The following WDR48 variants were observed in gnomAD, a reference collection of about 807,000 sequenced individuals.
The protein encoded by WDR48 is WD repeat-containing protein 48.
WDR48 carries 22 observed loss-of-function variants against 94.0 expected under a neutral mutation model. That is an observed-to-expected ratio of 0.23 (90% CI 0.17 to 0.33). The LOEUF (loss-of-function observed/expected upper bound fraction) is 0.33. Ranked by LOEUF, WDR48 falls within the 10% of genes least tolerant of loss-of-function variation. WDR48 has a pLI of 1.00. For missense variants in WDR48, 541 were observed against 813.8 expected (o/e 0.66, Z 4.08); for synonymous variants, 278 against 280.5 (o/e 0.99, Z 0.09).
intron 7 of WDR48, 122 bp from the exon 8 acceptor site, chr3:39,074,604 G>A: frequency 1.0e-6 from 1 of 972,748 alleles, no homozygotes; most frequent in Non-Finnish European, 1.5e-6. Flanking sequence ...TTTATCAGAG[G>A]CAGAAACACA....
chr3:39,056,724 G>T (rs549785892), intron 1 of WDR48, among the ~76,000 whole-genome samples: 1 of 152,310 alleles, frequency 6.6e-6, no homozygotes, highest in East Asian at 1.9e-4. Context: ...ACCTTTTCAG[G>T]CATGCAAGGA....
intron 1 of WDR48, 101 bp downstream of exon 1, chr3:39,052,174 ATGGGGCG>A: frequency 6.8e-7 from 1 of 1,474,876 alleles, no homozygotes; most frequent in Non-Finnish European, 9.3e-7. Context: ...GGGTAGCGGC[ATGGGGCG>A]AACGGGGCGG....
chr3:39,088,089 A>G, intron 14 of WDR48, 39 bp from the exon 15 acceptor site: 1 of 1,590,496 alleles, frequency 6.3e-7, no homozygotes, highest in Non-Finnish European at 8.6e-7. Flanking sequence ...TATTTTTAGC[A>G]CTAACTCTGA....
At chr3:39,078,899 G>A (rs891556512) in intron 10 of WDR48, among the ~76,000 whole-genome samples, 27 of 151,276 alleles carry the variant, frequency 1.8e-4, no homozygotes, top group Non-Finnish European at 2.5e-4. Flanking sequence ...GCGTAGTGGC[G>A]GGCACCTGTA....
chr3:39,088,262 C>A, intron 15 of WDR48, 29 bp downstream of exon 15: 1 of 1,602,032 alleles, frequency 6.2e-7, no homozygotes, highest in Non-Finnish European at 8.5e-7. Context: ...AGAGGTTCTG[C>A]CTGAGAAGGT....
intron 7 of WDR48, among the ~76,000 whole-genome samples, chr3:39,070,570 C>T (rs1195345249): frequency 1.3e-5 from 2 of 152,098 alleles, no homozygotes; most frequent in African/African-American, 4.8e-5. Context: ...GAGAAGCCGT[C>T]GCCTCCAGAA....
rs1217457504 is a variant in WDR48 at position 39,069,670 on chromosome 3, T to C, written c.598T>C (p.Cys200Arg). Residue 200 changes from cysteine (C) to arginine (R), a missense_variant, in exon 7 of 19, where the codon TGT becomes CGT. Physicochemically the swap from Cys to Arg is radical, Grantham distance 180 (BLOSUM62 -3). This residue lies in a region of WDR48 where 104 missense variants were observed against 189.7 expected (regional missense o/e 0.55). Transcript: ENST00000302313. ...KVLRVWDPRT[C>R]AKLMKLKGHT... ...GTTACGGGTATGGGATCCAAGAACA[T>C]GTGCAAAACTAATGAAGCTTAAAGG... The C allele has an allele frequency of 1.2e-6, 2 of 1,613,564 alleles. No homozygotes were observed. Among genetic ancestry groups the C allele is most frequent in the Non-Finnish European group, 1.7e-6 (2 of 1,179,722 alleles).
rs2035290363 is a variant in WDR48, at chr3:39,095,376, G to A, written c.*633G>A. On this transcript the variant is annotated 3_prime_UTR_variant, in exon 19 of 19. Transcript: ENST00000302313. The stretch of plus-strand genomic sequence containing the variant: ...GTAGGAAGATCTGTTGAAATTCCAG[G>A]TGCTGGATCATAGCACTTGGACTGT... 6.5e-6 allele frequency: 1 copy of A among 152,776 alleles called. No homozygotes were observed. Among genetic ancestry groups the A allele is most frequent in the African/African-American group, 2.4e-5 (1 of 41,440 alleles). The allele number at this position is 152,776 out of a possible 1,614,324, so 9.5% of individuals were successfully genotyped here.
chr3:39,088,369 C>T, intron 15 of WDR48, 136 bp downstream of exon 15: 1 of 794,896 alleles, frequency 1.3e-6, no homozygotes, highest in Non-Finnish European at 2.0e-6. Context: ...TGGAAGCATC[C>T]CATGTCCATG....
chr3:39,064,370 C>G (rs112664882), intron 2 of WDR48, among the ~76,000 whole-genome samples: 4,355 of 151,550 alleles, frequency 0.029, 211 homozygotes, highest in African/African-American at 0.1. Flanking sequence ...TGACTCCTGG[C>G]TTCAATCAAT....
chr3:39,074,151 A>G (rs908532780), intron 7 of WDR48, among the ~76,000 whole-genome samples: 2 of 152,154 alleles, frequency 1.3e-5, no homozygotes, highest in African/African-American at 4.8e-5. Context: ...CTTCATTTCC[A>G]CTGCTTTCAA....
intron 7 of WDR48, among the ~76,000 whole-genome samples, 161 bp downstream of exon 7, chr3:39,069,905 A>G (rs1456964418): frequency 6.6e-6 from 1 of 152,272 alleles, no homozygotes; most frequent in Non-Finnish European, 1.5e-5. Context: ...GCTACATTTA[A>G]AAACTATTCT....
intron 2 of WDR48, 122 bp downstream of exon 2, chr3:39,063,312 C>A (rs1293886484): frequency 8.0e-7 from 1 of 1,245,776 alleles, no homozygotes; most frequent in Non-Finnish European, 1.1e-6. Flanking sequence ...TTGGTACACT[C>A]TATAAAGACA....
chr3:39,084,385 C>A, intron 12 of WDR48, 123 bp downstream of exon 12: 3 of 660,608 alleles, frequency 4.5e-6, no homozygotes, highest in South Asian at 5.4e-5. Flanking sequence ...TGTGTTAAAA[C>A]TTAAAATGCA....
intron 1 of WDR48, among the ~76,000 whole-genome samples, chr3:39,060,707 A>G (rs1194118004): frequency 2.0e-5 from 3 of 152,222 alleles, no homozygotes; most frequent in Non-Finnish European, 2.9e-5. Flanking sequence ...GGCCAGGTGC[A>G]GTGGCTCACG....
chr3:39,093,014 CTG>C (rs1229127481), intron 17 of WDR48, among the ~76,000 whole-genome samples: 3 of 152,136 alleles, frequency 2.0e-5, no homozygotes, highest in African/African-American at 7.2e-5. Flanking sequence ...TAGTTATTGA[CTG>C]TTATCAGAGA....
chr3:39,096,438 G>A lies in WDR48; in HGVS notation c.*1695G>A, dbSNP rs1368857246. ...GCCCTCAGTTGTGTTTGCCCGAGGG[G>A]CCTTTGAGCAAAGAAATGGGTTTTG... On this transcript the variant is annotated 3_prime_UTR_variant, in exon 19 of 19. Coordinates refer to ENST00000302313, the MANE Select transcript of WDR48 (RefSeq NM_020839.4). The A allele has an allele frequency of 1.3e-5, 2 of 152,106 alleles. No individual in the cohort carries two copies. The highest frequency in any genetic ancestry group is 1.3e-4 in the Admixed American group (2 of 15,266). The allele number at this position is 152,106 out of a possible 1,614,324, so 9.4% of individuals were successfully genotyped here.
intron 1 of WDR48, among the ~76,000 whole-genome samples, chr3:39,054,908 G>C (rs892526916): frequency 6.6e-6 from 1 of 152,222 alleles, no homozygotes; most frequent in African/African-American, 2.4e-5. Flanking sequence ...AAGGGTAATA[G>C]CAGTGATTAT....
In WDR48 at chr3:39,095,661, T is replaced by TAA. The variant is rs2125691127; in HGVS notation, c.*919_*920insAA. On this transcript the variant is annotated 3_prime_UTR_variant, in exon 19 of 19. Transcript: ENST00000302313. ...ATGGTGTCAGAATAAAGGGAGATCATAGTGAGTTAATTTGATATTCATATC... is the reference window on the plus strand; with the variant it reads ...ATGGTGTCAGAATAAAGGGAGATCATAAAGTGAGTTAATTTGATATTCATATC... 1 of 152,404 alleles carries TAA rather than the reference T, an allele frequency of 6.6e-6. No individual in the cohort carries two copies. The highest frequency in any genetic ancestry group is 1.9e-4 in the East Asian group (1 of 5,194). The allele number at this position is 152,404 out of a possible 1,614,324, so 9.4% of individuals were successfully genotyped here.
Sources: allele counts gnomAD v4.1 joint callset (sites outside exome capture counted in the v4.1 genomes callset), GRCh38; gene constraint gnomAD v4.1.1; regional missense constraint gnomAD v4.1.1; transcripts MANE v1.5; gene names NCBI Gene and HGNC (gene_info 2026-07-23, HGNC 2026-07-21).